DMGDH: variants seen among roughly 807,000 people sequenced by gnomAD.
DMGDH encodes dimethylglycine dehydrogenase.
A neutral mutation model predicts 95.2 loss-of-function variants in DMGDH; 76 were observed. That is an observed-to-expected ratio of 0.80 (90% CI 0.66 to 0.97). The LOEUF (loss-of-function observed/expected upper bound fraction) is 0.97, where lower values mean the gene tolerates loss of function less well. Among genes scored for constraint, DMGDH ranks in the 50% least tolerant of loss-of-function variants. The probability of loss-of-function intolerance (pLI) is 0.00; values close to 1 mark genes in which losing one functional copy is unlikely to be tolerated. For synonymous variants in DMGDH, 345 were observed against 377.6 expected (o/e 0.91, Z 1.00); for missense variants, 987 against 1,055.0 (o/e 0.94, Z 0.89).
At chr5:79,021,272 ATCCC>A in intron 14 of DMGDH, 1 of 1,053,494 alleles carries the variant, frequency 9.5e-7, no homozygotes. Flanking sequence ...CTAAGAACGT[ATCCC>A]TACAGCTTTA....
In DMGDH at chr5:79,015,792, TATC is replaced by T. The variant is rs1040008048; in HGVS notation, c.2250+8476_2250+8478del. Reference sequence around the variant, plus strand: ...TCCAATGATGTTTTAAAAGGTGACATATCATCACCAAGTGGGTTTTATCCTAAA... The same window carrying T: ...TCCAATGATGTTTTAAAAGGTGACATATCACCAAGTGGGTTTTATCCTAAA... On this transcript the variant is annotated intron_variant, in intron 14 of 15. Transcript: ENST00000255189. Among the ~76,000 whole-genome samples, 81 of 152,262 alleles carry T rather than the reference TATC, an allele frequency of 5.3e-4. No individual in the cohort carries two copies. In the Middle Eastern group the frequency reaches 0.014, roughly 26 times the overall value.
intron 15 of DMGDH, chr5:79,000,017 C>T (rs902781340): frequency 2.1e-5 from 6 of 288,832 alleles, no homozygotes; most frequent in African/African-American, 1.1e-4. Flanking sequence ...ATAATATTTA[C>T]GCTAACAAAT....
chr5:79,062,656 G>A (rs189604955), intron 2 of DMGDH, among the ~76,000 whole-genome samples: 79 of 152,140 alleles, frequency 5.2e-4, no homozygotes, highest in Non-Finnish European at 9.8e-4. Flanking sequence ...CAATTATGGC[G>A]CAGCCCTGGA....
chr5:79,024,123 T>C (rs1030395252), intron 14 of DMGDH, 148 bp downstream of exon 14: 8 of 740,268 alleles, frequency 1.1e-5, no homozygotes, highest in African/African-American at 3.5e-5. Flanking sequence ...AAAAGAGTAA[T>C]ATGACACAAT....
chr5:79,040,644 A>G (rs1342270663), intron 7 of DMGDH, among the ~76,000 whole-genome samples: 2 of 152,198 alleles, frequency 1.3e-5, no homozygotes, highest in Non-Finnish European at 2.9e-5. Context: ...TTGTATTTCA[A>G]TGGACACCAT....
intron 2 of DMGDH, among the ~76,000 whole-genome samples, chr5:79,059,029 C>A (rs1335281570): frequency 6.6e-6 from 1 of 152,158 alleles, no homozygotes; most frequent in Non-Finnish European, 1.5e-5. Flanking sequence ...TGGAATATAA[C>A]CACTAAAATA....
At position 79,054,308 on chromosome 5, in the gene DMGDH, G is replaced by T. The variant is rs1287074916; in HGVS notation, c.416C>A (p.Thr139Asn). ...FHQPGSIRLA[T>N]TPVRVDEFKY... ...AAATTCATCTACCCTTACAGGGGTGGTAGCAAGTCTGATACTACCTGGCTG... is the reference window on the plus strand; with the variant it reads ...AAATTCATCTACCCTTACAGGGGTGTTAGCAAGTCTGATACTACCTGGCTG... Residue 139 changes from threonine to asparagine, a missense_variant, in exon 4 of 16, where the codon ACC becomes AAC. Coordinates refer to ENST00000255189, the MANE Select transcript of DMGDH (RefSeq NM_013391.3). The T allele has an allele frequency of 6.2e-7, 1 of 1,614,066 alleles. No individual in the cohort carries two copies. Among genetic ancestry groups the T allele is most frequent in the Non-Finnish European group, 8.5e-7 (1 of 1,179,988 alleles).
Position 79,051,613 on chromosome 5 carries a change from G to A in DMGDH, c.541-122C>T, listed in dbSNP as rs1580222494. ...TCAAAAGTGTTTCTTGATCTGGAAA[G>A]TGACTGGGTCCCTGAAGACTTCATG... On this transcript the variant is annotated intron_variant, in intron 4 of 15. Transcript: ENST00000255189. The A allele has an allele frequency of 7.9e-5, 73 of 921,538 alleles. No homozygotes were observed. In the South Asian group the frequency reaches 1.1e-3, roughly 13 times the overall value. 57.1% of individuals were successfully genotyped at this position (921,538 alleles called of 1,614,324 possible).
intron 15 of DMGDH, among the ~76,000 whole-genome samples, chr5:79,003,009 T>C (rs1236702590): frequency 6.6e-6 from 1 of 152,222 alleles, no homozygotes; most frequent in Non-Finnish European, 1.5e-5. Context: ...GACCTTGGGT[T>C]TTCAGGGTTT....
At chr5:79,032,567 A>C in intron 9 of DMGDH, 120 bp downstream of exon 9, 2 of 1,399,944 alleles carry the variant, frequency 1.4e-6, no homozygotes, top group Non-Finnish European at 2.0e-6. Context: ...TGTAGGACAA[A>C]GCTCAGTGCT....
Position 79,061,220 on chromosome 5 carries a change from AACACACACACACAC to A in DMGDH, c.276+2379_276+2392del, listed in dbSNP as rs34931005. Among the ~76,000 whole-genome samples the A allele has an allele frequency of 3.5e-4, 50 of 141,756 alleles. 1 individual carries two copies. Among genetic ancestry groups the A allele is most frequent in the East Asian group, 1.3e-3 (6 of 4,650 alleles). The allele number at this position is 141,756 out of a possible 152,430, so 93.0% of individuals were successfully genotyped here. A position where few individuals can be genotyped will look rare whatever the true frequency, so the allele number is the denominator to read the frequency against. ...GGTGACAGAGTGAAACTCTGTCTCA[AACACACACACACAC>A]ACACACACACACACACACACACACA... On this transcript the variant is annotated intron_variant, in intron 2 of 15. Transcript: ENST00000255189.
chr5:79,025,809 C>T (rs996261368), intron 13 of DMGDH, among the ~76,000 whole-genome samples: 2 of 152,190 alleles, frequency 1.3e-5, no homozygotes, highest in Non-Finnish European at 2.9e-5. Context: ...AGTAGGAGAA[C>T]AGAGTTTAAA....
intron 4 of DMGDH, 130 bp from the exon 5 acceptor site, chr5:79,051,621 G>C (rs2112659627): frequency 2.4e-6 from 2 of 843,248 alleles, no homozygotes; most frequent in East Asian, 5.3e-5. Context: ...AAGTGACTGG[G>C]TCCCTGAAGA....
At chr5:79,005,728 T>C (rs1753536360) in intron 14 of DMGDH, among the ~76,000 whole-genome samples, 1 of 152,228 alleles carries the variant, frequency 6.6e-6, no homozygotes, top group Non-Finnish European at 1.5e-5. Flanking sequence ...CTAATGGGTC[T>C]GGACAGTGGT....
chr5:79,017,331 AC>A (rs1328150057), intron 14 of DMGDH, among the ~76,000 whole-genome samples: 2 of 152,214 alleles, frequency 1.3e-5, no homozygotes, highest in Admixed American at 6.5e-5. Flanking sequence ...ATTAAAAAAA[AC>A]AAACCCTAGG....
chr5:79,005,270 C>A lies in DMGDH; in HGVS notation c.2385+3G>T. On this transcript the variant is annotated splice_donor_region_variant and intron_variant, in intron 15 of 15. Transcript: ENST00000255189. ...CCCTGGCAGTGAGGTCCTCAGCACTCACCTTGCCATTGTACCAGATGCTTT... is the reference window on the plus strand; with the variant it reads ...CCCTGGCAGTGAGGTCCTCAGCACTAACCTTGCCATTGTACCAGATGCTTT... 1.2e-6 allele frequency: 2 copies of A among 1,613,526 alleles called. No individual in the cohort carries two copies. The highest frequency in any genetic ancestry group is 1.1e-5 in the South Asian group (1 of 90,936).
chr5:79,021,239 A>G (rs181057225), intron 14 of DMGDH: 1 of 1,011,130 alleles, frequency 9.9e-7, no homozygotes, highest in African/African-American at 1.7e-5. Context: ...CCACTTGCGG[A>G]AGGGTTATCT....
At position 79,024,270 on chromosome 5, in the gene DMGDH, C is replaced by T; in HGVS notation, c.2250+1G>A. The T allele has an allele frequency of 6.2e-7, 1 of 1,612,602 alleles. No homozygotes were observed. The highest frequency in any genetic ancestry group is 8.5e-7 in the Non-Finnish European group (1 of 1,178,890). ...AAGCACACTTTGGAATGTAAACATA[C>T]CTTATTTAACTTCACAAAATATTCC... On this transcript the variant is annotated splice_donor_variant, in intron 14 of 15. Transcript: ENST00000255189. LOFTEE classifies it high-confidence loss of function.
At chr5:79,007,518 G>A (rs973374528) in intron 14 of DMGDH, among the ~76,000 whole-genome samples, 1 of 152,010 alleles carries the variant, frequency 6.6e-6, no homozygotes, top group Non-Finnish European at 1.5e-5. Context: ...CTTTTAAAAA[G>A]GAGACTTGCA....
Sources: gnomAD v4.1 joint callset for allele counts (sites outside exome capture counted in the v4.1 genomes callset) on GRCh38, gnomAD v4.1.1 for gene constraint, MANE v1.5 for transcripts, NCBI Gene and HGNC (gene_info 2026-07-23, HGNC 2026-07-21) for gene names.